IL1RAPL1: variants seen among roughly 807,000 people sequenced by gnomAD.
IL1RAPL1 encodes the protein interleukin 1 receptor accessory protein like 1.
A neutral mutation model predicts 48.4 loss-of-function variants in IL1RAPL1; 3 were observed. That is an observed-to-expected ratio of 0.06 (90% CI 0.03 to 0.16). The LOEUF is 0.16. Among genes scored for constraint, IL1RAPL1 ranks in the 10% least tolerant of loss-of-function variants. The pLI is 1.00. For synonymous variants in IL1RAPL1, 185 were observed against 187.7 expected, an observed-to-expected ratio of 0.99 and a Z score of 0.12; for missense variants, 349 against 530.6, an observed-to-expected ratio of 0.66 and a Z score of 3.36.
chrX:29,069,628 AACACACACAC>A (rs56373899), intron 2 of IL1RAPL1, among the ~76,000 whole-genome samples: 14 of 83,730 alleles, frequency 1.7e-4, no homozygotes, highest in South Asian at 1.4e-3. Context: ...TTTCCTATAG[AACACACACAC>A]ACACACACAC....
chrX:29,424,338 G>A (rs1356904097), intron 5 of IL1RAPL1, among the ~76,000 whole-genome samples: 1 of 108,432 alleles, frequency 9.2e-6, no homozygotes, highest in East Asian at 2.9e-4. Context: ...AAAAGCAGAT[G>A]TAGGGAAGTG....
At chrX:28,669,130 T>C (rs768583631) in intron 1 of IL1RAPL1, among the ~76,000 whole-genome samples, 14 of 111,246 alleles carry the variant, frequency 1.3e-4, no homozygotes, top group Non-Finnish European at 2.4e-4. Flanking sequence ...GTGTTTTAGA[T>C]AAATATAGAT....
intron 3 of IL1RAPL1, among the ~76,000 whole-genome samples, chrX:29,344,164 C>T (rs939170293): frequency 2.7e-5 from 3 of 112,140 alleles, no homozygotes; most frequent in Non-Finnish European, 5.6e-5. Context: ...AAAATTTCAC[C>T]GATGTGAGAT....
chrX:29,638,221 C>T (rs892577373), intron 5 of IL1RAPL1, among the ~76,000 whole-genome samples: 1 of 110,167 alleles, frequency 9.1e-6, no homozygotes. Context: ...ACCTCACCTC[C>T]ATTTGTCACT....
intron 2 of IL1RAPL1, among the ~76,000 whole-genome samples, chrX:29,217,173 T>C (rs978717232): frequency 3.6e-5 from 4 of 112,230 alleles, no homozygotes; most frequent in African/African-American, 1.3e-4. Context: ...GGACTGCCCT[T>C]TTCAACAAAC....
At chrX:29,230,764 T>A in intron 2 of IL1RAPL1, among the ~76,000 whole-genome samples, 1 of 110,738 alleles carries the variant, frequency 9.0e-6, no homozygotes, top group Non-Finnish European at 1.9e-5. Context: ...CTAGGTCAGG[T>A]CATTCTTCAA....
intron 5 of IL1RAPL1, among the ~76,000 whole-genome samples, chrX:29,492,724 A>G (rs1165475302): frequency 8.9e-6 from 1 of 112,209 alleles, no homozygotes; most frequent in Non-Finnish European, 1.9e-5. Context: ...TATAGCCTTA[A>G]TCACATTTTC....
Position 28,708,423 on chromosome X carries a change from A to G in IL1RAPL1, c.-24-80897A>G, listed in dbSNP as rs1935400618. 2.7e-5 allele frequency among the ~76,000 whole-genome samples: 3 copies of G among 111,248 alleles called. No homozygotes were observed. In the South Asian group the frequency reaches 1.1e-3, roughly 42 times the overall value. Reference sequence around the variant, plus strand: ...TGGAAAACAGTTGTGGAGATGTCTCAGAAAACTAAAAATAGGATTACCATT... The same window carrying G: ...TGGAAAACAGTTGTGGAGATGTCTCGGAAAACTAAAAATAGGATTACCATT... On this transcript the variant is annotated intron_variant, in intron 1 of 10. Transcript: ENST00000378993.
intron 2 of IL1RAPL1, among the ~76,000 whole-genome samples, chrX:29,193,672 A>C (rs1408366678): frequency 9.0e-6 from 1 of 111,271 alleles, no homozygotes; most frequent in Non-Finnish European, 1.9e-5. Context: ...TAATTTTATG[A>C]TGATGAAATG....
At chrX:29,096,281 C>G (rs184924575) in intron 2 of IL1RAPL1, among the ~76,000 whole-genome samples, 1 of 111,608 alleles carries the variant, frequency 9.0e-6, no homozygotes, top group East Asian at 2.8e-4. Flanking sequence ...TCAAATACAG[C>G]CATTGTTCTT....
At chrX:29,156,584 A>G (rs1929574255) in intron 2 of IL1RAPL1, among the ~76,000 whole-genome samples, 1 of 111,306 alleles carries the variant, frequency 9.0e-6, no homozygotes, top group African/African-American at 3.3e-5. Flanking sequence ...AGGTGTAGAA[A>G]TCACCTGGGC....
intron 5 of IL1RAPL1, among the ~76,000 whole-genome samples, chrX:29,576,634 C>T (rs999945761): frequency 1.4e-4 from 16 of 111,265 alleles, no homozygotes; most frequent in African/African-American, 4.9e-4. Context: ...ATGCTATCAC[C>T]ATTGTCACTG....
At chrX:29,725,241 C>G (rs1927745132) in intron 6 of IL1RAPL1, among the ~76,000 whole-genome samples, 1 of 111,262 alleles carries the variant, frequency 9.0e-6, no homozygotes, top group South Asian at 3.8e-4. Flanking sequence ...CTGGCTTAAT[C>G]TGATCATTTA....
intron 1 of IL1RAPL1, among the ~76,000 whole-genome samples, chrX:28,683,256 G>A (rs1172398378): frequency 1.8e-5 from 2 of 111,001 alleles, no homozygotes; most frequent in Non-Finnish European, 3.8e-5. Context: ...GCTTGTCAGG[G>A]TAAGTGAGTC....
chrX:29,167,056 T>G (rs909917147), intron 2 of IL1RAPL1, among the ~76,000 whole-genome samples: 1 of 111,830 alleles, frequency 8.9e-6, no homozygotes, highest in Admixed American at 9.6e-5. Flanking sequence ...ATTTATTGAT[T>G]TTGTTGAATT....
At chrX:28,790,317 C>T (rs908165573) in intron 2 of IL1RAPL1, among the ~76,000 whole-genome samples, 1 of 112,391 alleles carries the variant, frequency 8.9e-6, no homozygotes, top group African/African-American at 3.2e-5. Flanking sequence ...TAAGCAATTG[C>T]ATGGACAAAA....
At chrX:29,230,504 CAAAAAAAAAAAA>C (rs60539139) in intron 2 of IL1RAPL1, among the ~76,000 whole-genome samples, 8 of 16,589 alleles carry the variant, frequency 4.8e-4, no homozygotes, top group Admixed American at 1.2e-3. Flanking sequence ...GTCCCTTTAC[CAAAAAAAAAAAA>C]AAAAAAAAAA....
In IL1RAPL1 at chrX:29,542,356, C is replaced by T. The variant is rs1277339565; in HGVS notation, c.704-126074C>T. ...TCAGGTCTCTGGTTAGCAGTCCATGCAGCCCATAATTATGACCAGGGGTAC... is the reference window on the plus strand; with the variant it reads ...TCAGGTCTCTGGTTAGCAGTCCATGTAGCCCATAATTATGACCAGGGGTAC... On this transcript the variant is annotated intron_variant, in intron 5 of 10. Coordinates refer to ENST00000378993, the MANE Select transcript of IL1RAPL1 (RefSeq NM_014271.4). Among the ~76,000 whole-genome samples the T allele has an allele frequency of 3.6e-5, 4 of 111,680 alleles. No homozygotes were observed. In the Admixed American group the frequency reaches 3.8e-4, roughly 11 times the overall value.
intron 6 of IL1RAPL1, among the ~76,000 whole-genome samples, chrX:29,711,250 C>T: frequency 9.8e-6 from 1 of 101,769 alleles, no homozygotes; most frequent in Non-Finnish European, 2.0e-5. Context: ...ATGGCGTGAT[C>T]TCAGCTCACC....
Sources: gnomAD v4.1 joint callset for allele counts (sites outside exome capture counted in the v4.1 genomes callset) on GRCh38, gnomAD v4.1.1 for gene constraint, MANE v1.5 for transcripts, NCBI Gene and HGNC (gene_info 2026-07-23, HGNC 2026-07-21) for gene names.